PCDHGA2: variants seen among roughly 807,000 people sequenced by gnomAD.
The protein encoded by PCDHGA2 is protocadherin gamma-A2.
Under a neutral mutation model 59.2 loss-of-function variants are expected in PCDHGA2, and 40 were observed. The observed-to-expected ratio is 0.68, with a 90% CI of 0.52 to 0.88. The LOEUF (loss-of-function observed/expected upper bound fraction) is 0.88. Ranked by LOEUF, PCDHGA2 falls within the 40% of genes least tolerant of loss-of-function variation. PCDHGA2 has a pLI of 0.00. For missense variants in PCDHGA2, 1,226 were observed against 1,204.0 expected, an observed-to-expected ratio of 1.02 and a Z score of -0.27; for synonymous variants, 560 against 526.0, an observed-to-expected ratio of 1.06 and a Z score of -0.89.
intron 1 of PCDHGA2, chr5:141,390,297 G>A (rs1313373310): frequency 6.2e-7 from 1 of 1,613,826 alleles, no homozygotes; most frequent in East Asian, 2.2e-5. Context: ...TTTCCTTTAA[G>A]TATAATTTAA....
At chr5:141,427,509 G>T in intron 1 of PCDHGA2, 1 of 588,640 alleles carries the variant, frequency 1.7e-6, no homozygotes, top group Non-Finnish European at 3.2e-6. Flanking sequence ...TGGGACCCTG[G>T]ATTGGGAGCG....
rs762910422 is a variant in PCDHGA2, at chr5:141,485,747, C to T, written c.2425-9060C>T. ...GAAGCGCAGCGACGGCAGCCTGGTCCCAGAGCTGCTCCTGGAGAAGCCTTT... is the reference window on the plus strand; with the variant it reads ...GAAGCGCAGCGACGGCAGCCTGGTCTCAGAGCTGCTCCTGGAGAAGCCTTT... On this transcript the variant is annotated intron_variant, in intron 1 of 3. Coordinates refer to ENST00000394576, the MANE Select transcript of PCDHGA2 (RefSeq NM_018915.4). This position sits in a 1 kb window ranked among gnomAD's most constrained non-coding sequence, Gnocchi z 5.7. 1 of 1,614,162 alleles carries T rather than the reference C, an allele frequency of 6.2e-7. No individual in the cohort carries two copies.
At chr5:141,395,077 A>C (rs2093162583) in intron 1 of PCDHGA2, 1 of 1,614,024 alleles carries the variant, frequency 6.2e-7, no homozygotes, top group South Asian at 1.1e-5. Context: ...ACCTATTCCC[A>C]GGAAGTCTCC....
At chr5:141,399,174 T>C (rs2093763814) in intron 1 of PCDHGA2, 1 of 1,613,700 alleles carries the variant, frequency 6.2e-7, no homozygotes, top group Admixed American at 1.7e-5. Context: ...ATTCTCTACT[T>C]GAAATGATTC....
At chr5:141,483,240 T>C (rs2099578643) in intron 1 of PCDHGA2, among the ~76,000 whole-genome samples, 2 of 151,742 alleles carry the variant, frequency 1.3e-5, no homozygotes, top group Non-Finnish European at 1.5e-5. Flanking sequence ...TGAACTGATA[T>C]GCATATATCA....
chr5:141,459,909 G>A (rs7446907), intron 1 of PCDHGA2, among the ~76,000 whole-genome samples: 42,418 of 152,010 alleles, frequency 0.28, 6,645 homozygotes, highest in African/African-American at 0.43. Flanking sequence ...TGAGCTATGG[G>A]AGTTTTAAAA....
intron 1 of PCDHGA2, among the ~76,000 whole-genome samples, chr5:141,426,065 G>C (rs1214623774): frequency 1.3e-5 from 2 of 152,184 alleles, no homozygotes; most frequent in East Asian, 3.8e-4. Flanking sequence ...GCAAGAACTG[G>C]AGCCTGGGAT....
At chr5:141,409,148 A>C (rs2154541051) in intron 1 of PCDHGA2, 1 of 1,614,056 alleles carries the variant, frequency 6.2e-7, no homozygotes. Context: ...AGAAAGGTAC[A>C]CCATGGAAGT....
At chr5:141,460,908 T>C (rs550367008) in intron 1 of PCDHGA2, among the ~76,000 whole-genome samples, 2,136 of 133,318 alleles carry the variant, frequency 0.016, 43 homozygotes, top group African/African-American at 0.062. Flanking sequence ...TAATATTCCA[T>C]GGTGTATATA....
rs1335438500 is a variant in PCDHGA2 at position 141,355,543 on chromosome 5, A to T, written c.2424+14148A>T. On this transcript the variant is annotated intron_variant, in intron 1 of 3. Coordinates refer to ENST00000394576, the MANE Select transcript of PCDHGA2 (RefSeq NM_018915.4). ...GGAGATTCTTCTAGAAGATACAGTG[A>T]AGATTTTGCGGGTAGAGGTGGAAAT... is the stretch of plus-strand genomic sequence containing the variant. 5 of 1,613,942 alleles carry T rather than the reference A, an allele frequency of 3.1e-6. No individual in the cohort carries two copies. The East Asian group carries it at 6.7e-5, about 22-fold the overall frequency.
At chr5:141,351,336 G>A (rs1438801220) in intron 1 of PCDHGA2, 3 of 1,613,598 alleles carry the variant, frequency 1.9e-6, no homozygotes, top group Non-Finnish European at 1.7e-6. Flanking sequence ...TCAGACCTTG[G>A]AACTGTAATA....
chr5:141,380,433 A>G (rs1228885429), intron 1 of PCDHGA2, among the ~76,000 whole-genome samples: 1 of 152,256 alleles, frequency 6.6e-6, no homozygotes, highest in Non-Finnish European at 1.5e-5. Context: ...TAGACTTTAC[A>G]TAGAATTCTT....
intron 1 of PCDHGA2, chr5:141,370,476 G>A: frequency 6.2e-7 from 1 of 1,613,686 alleles, no homozygotes; most frequent in Non-Finnish European, 8.5e-7. Flanking sequence ...GTTAGACCAG[G>A]CTCTCTCCGA....
At chr5:141,342,003 A>G (rs1316328979) in intron 1 of PCDHGA2, 1 of 154,162 alleles carries the variant, frequency 6.5e-6, no homozygotes, top group Non-Finnish European at 1.4e-5. Flanking sequence ...ATTTTGGCTT[A>G]GTTTTAAAAA....
In PCDHGA2 at chr5:141,480,033, C is replaced by G. The variant is rs370321166; in HGVS notation, c.2425-14774C>G. On this transcript the variant is annotated intron_variant, in intron 1 of 3. Coordinates refer to ENST00000394576, the MANE Select transcript of PCDHGA2 (RefSeq NM_018915.4). ...CTCAATCTCCTTTCTAAGCCTCTTC[C>G]TCATATGCAAAAAGGGAATAATAAG... is the stretch of plus-strand genomic sequence containing the variant. Among the ~76,000 whole-genome samples, 3 of 152,224 alleles carry G rather than the reference C, an allele frequency of 2.0e-5. No individual in the cohort carries two copies. The East Asian group carries it at 5.8e-4, about 29-fold the overall frequency.
chr5:141,370,462 C>T lies in PCDHGA2; in HGVS notation c.2424+29067C>T. 1.9e-6 allele frequency: 3 copies of T among 1,612,864 alleles called. No homozygotes were observed. In the South Asian group the frequency reaches 3.3e-5, roughly 18 times the overall value. Reference sequence around the variant, plus strand: ...CGAATGCTATTTCTCTTCCTGCTCTCTTTGTTAGACCAGGCTCTCTCCGAA... The same window carrying T: ...CGAATGCTATTTCTCTTCCTGCTCTTTTTGTTAGACCAGGCTCTCTCCGAA... On this transcript the variant is annotated intron_variant, in intron 1 of 3. Coordinates refer to ENST00000394576, the MANE Select transcript of PCDHGA2 (RefSeq NM_018915.4).
At chr5:141,404,703 C>T (rs545479443) in intron 1 of PCDHGA2, 3 of 1,614,124 alleles carry the variant, frequency 1.9e-6, no homozygotes, top group African/African-American at 2.7e-5. Flanking sequence ...TCTGCAGAGC[C>T]TGGCTACCTG....
chr5:141,375,346 T>C, intron 1 of PCDHGA2: 1 of 1,613,870 alleles, frequency 6.2e-7, no homozygotes. Flanking sequence ...ACAACATCAC[T>C]GTGACAGCCA....
chr5:141,394,557 G>A (rs372165481), intron 1 of PCDHGA2: 23 of 1,613,964 alleles, frequency 1.4e-5, no homozygotes, highest in South Asian at 4.4e-5. Context: ...GCCCCGCTCC[G>A]CAGAGCGTGG....
Sources: gnomAD v4.1 joint callset for allele counts (sites outside exome capture counted in the v4.1 genomes callset) on GRCh38, gnomAD v4.1.1 for gene constraint, Gnocchi (gnomAD v3.1) non-coding constraint, MANE v1.5 for transcripts, NCBI Gene and HGNC (gene_info 2026-07-23, HGNC 2026-07-21) for gene names.